The following TECTA variants were observed in gnomAD, a reference collection of about 807,000 sequenced individuals.
The protein encoded by TECTA is alpha-tectorin.
TECTA carries 128 observed loss-of-function variants against 216.8 expected under a neutral mutation model. The ratio of observed to expected loss-of-function variants is 0.59; its 90% confidence interval spans 0.51 to 0.68. TECTA has a LOEUF of 0.68. Among genes scored for constraint, TECTA ranks in the 30% least tolerant of loss-of-function variants. The pLI is 0.00. For missense variants in TECTA, 2,551 were observed against 2,786.2 expected, an observed-to-expected ratio of 0.92 and a Z score of 1.90; for synonymous variants, 1,089 against 1,117.1, an observed-to-expected ratio of 0.97 and a Z score of 0.50.
chr11:121,120,856 C>T (rs1336325874), intron 7 of TECTA, among the ~76,000 whole-genome samples: 3 of 152,178 alleles, frequency 2.0e-5, no homozygotes, highest in Non-Finnish European at 2.9e-5. Flanking sequence ...TAGCCCATGG[C>T]GATGAGCAGC....
rs565423624 is a variant in TECTA at position 121,108,337 on chromosome 11, TAC to T, written c.199-865_199-864del. On this transcript the variant is annotated intron_variant, in intron 3 of 23. Coordinates refer to ENST00000392793, the MANE Select transcript of TECTA (RefSeq NM_005422.4). ...CACACACATCACACCTCAATATACATACACACACACCACCCTCAGTACACACA... is the reference window on the plus strand; with the variant it reads ...CACACACATCACACCTCAATATACATACACACACCACCCTCAGTACACACA... 7.2e-5 allele frequency among the ~76,000 whole-genome samples: 10 copies of T among 139,198 alleles called. No homozygotes were observed. In the East Asian group the frequency reaches 1.6e-3, roughly 22 times the overall value. 91.3% of individuals were successfully genotyped at this position (139,198 alleles called of 152,430 possible).
rs748667036 is a variant in TECTA, at chr11:121,130,181, G to T, written c.2911G>T (p.Val971Leu). ...CGCCTGCAAGAATGCGGACGTGGAG[G>T]TGGGGCCCTGGCGGACCTATGACTT... is the stretch of plus-strand genomic sequence containing the variant. ...ASACKNADVEVGPWRTYDFCP... is the reference protein window; with the variant it reads ...ASACKNADVELGPWRTYDFCP... Residue 971 changes from valine (V) to leucine (L), a missense_variant, in exon 10 of 24, where the codon GTG becomes TTG. Coordinates refer to ENST00000392793, the MANE Select transcript of TECTA (RefSeq NM_005422.4). 1 of 1,602,302 alleles carries T rather than the reference G, an allele frequency of 6.2e-7. No homozygotes were observed. The highest frequency in any genetic ancestry group is 1.7e-5 in the Admixed American group (1 of 60,022).
intron 2 of TECTA, among the ~76,000 whole-genome samples, chr11:121,103,570 T>A (rs1325195420): frequency 6.6e-6 from 1 of 152,066 alleles, no homozygotes; most frequent in Non-Finnish European, 1.5e-5. Flanking sequence ...GAAAGTACAT[T>A]TTATTTGGTG....
intron 11 of TECTA, among the ~76,000 whole-genome samples, chr11:121,138,509 C>T (rs908754306): frequency 3.9e-5 from 6 of 152,248 alleles, no homozygotes; most frequent in Middle Eastern, 3.4e-3. Context: ...GGCCTCCCTC[C>T]GTCTCTCCTG....
chr11:121,118,797 C>G, intron 7 of TECTA, 79 bp downstream of exon 7: 1 of 1,549,744 alleles, frequency 6.5e-7, no homozygotes, highest in Non-Finnish European at 8.8e-7. Flanking sequence ...CCCAGATCTA[C>G]TGGTTCTGCT....
rs1946467660 is a variant in TECTA, at chr11:121,113,689, T to C, written c.761T>C (p.Ile254Thr). 6.2e-7 allele frequency: 1 copy of C among 1,613,852 alleles called. No homozygotes were observed. Among genetic ancestry groups the C allele is most frequent in the Non-Finnish European group, 8.5e-7 (1 of 1,180,008 alleles). ...GCATTTAAAGTTGATGGAAAGGAAATTGACCCAGCCAATGGCTGCACCTCA... is the reference window on the plus strand; with the variant it reads ...GCATTTAAAGTTGATGGAAAGGAAACTGACCCAGCCAATGGCTGCACCTCA... Reference protein sequence around the residue: ...RWAFKVDGKEIDPANGCTSRG... With the variant: ...RWAFKVDGKETDPANGCTSRG... Residue 254 changes from isoleucine to threonine, a missense_variant, in exon 6 of 24, where the codon ATT becomes ACT. Around this residue, in one of 3 missense-constraint regions of TECTA, gnomAD observed 2,375 missense variants for 2,563.9 expected, o/e 0.93. Transcript: ENST00000392793. The surrounding 1 kb of genome is among the most constrained non-coding windows in gnomAD (Gnocchi z 4.2).
chr11:121,159,018 G>A (rs1285414686), intron 14 of TECTA, among the ~76,000 whole-genome samples: 1 of 152,198 alleles, frequency 6.6e-6, no homozygotes, highest in African/African-American at 2.4e-5. Context: ...CCCTGGCACT[G>A]TGAGCACAGA....
chr11:121,180,382 G>T lies in TECTA; in HGVS notation c.6000-7450G>T, dbSNP rs149087429. 2.9e-3 allele frequency among the ~76,000 whole-genome samples: 440 copies of T among 152,262 alleles called. 2 individuals carry two copies. Among genetic ancestry groups the T allele is most frequent in the African/African-American group, 8.4e-3 (350 of 41,542 alleles). ...TTCTTCATTTTTGAAGGATAGCTTTGCTGGGTATAGTATTCTTGATTAGCA... is the reference window on the plus strand; with the variant it reads ...TTCTTCATTTTTGAAGGATAGCTTTTCTGGGTATAGTATTCTTGATTAGCA... On this transcript the variant is annotated intron_variant, in intron 20 of 23. Transcript: ENST00000392793.
intron 13 of TECTA, among the ~76,000 whole-genome samples, chr11:121,155,950 TGAAAA>T (rs1946936455): frequency 6.6e-6 from 1 of 152,096 alleles, no homozygotes; most frequent in Admixed American, 6.5e-5. Flanking sequence ...GGGAAAGAAA[TGAAAA>T]GAAAAGAATA....
intron 6 of TECTA, among the ~76,000 whole-genome samples, chr11:121,116,911 T>A (rs746719334): frequency 6.6e-6 from 1 of 152,184 alleles, no homozygotes; most frequent in Non-Finnish European, 1.5e-5. Flanking sequence ...CTGATGCACA[T>A]GACTTATTGG....
Position 121,125,573 on chromosome 11 carries a change from T to C in TECTA, c.1475T>C (p.Val492Ala), listed in dbSNP as rs753099302. The change falls in exon 8 of 24, where the codon GTG (valine) becomes GCG (alanine). Residue 492 changes from valine (V) to alanine (A), a missense_variant. Physicochemically the swap from Val to Ala is moderately conservative, Grantham distance 64. Around this residue, in one of 3 missense-constraint regions of TECTA, gnomAD observed 2,375 missense variants for 2,563.9 expected, o/e 0.93. Transcript: ENST00000392793. ...CTGGATCTGGGAGAGAGCTGGCGTG[T>C]GTACCACGCAGACTGGAAGTGCGAC... ...SVLDLGESWRVYHADWKCDSG... is the reference protein window; with the variant it reads ...SVLDLGESWRAYHADWKCDSG... 7 of 1,614,002 alleles carry C rather than the reference T, an allele frequency of 4.3e-6. No homozygotes were observed. The highest frequency in any genetic ancestry group is 5.9e-6 in the Non-Finnish European group (7 of 1,180,028).
At position 121,157,894 on chromosome 11, in the gene TECTA, T is replaced by A. The variant is rs745314431; in HGVS notation, c.4359T>A (p.Arg1453=). ...SDCTRRCRCF[R]RNVIQCDPRQ... ...GCACGCGGCGCTGCCGCTGTTTCCG[T>A]CGCAACGTGATTCAGTGCGACCCGC... The change falls in exon 14 of 24, where the codon CGT becomes CGA. Residue 1453 remains arginine, a synonymous_variant. Coordinates refer to ENST00000392793, the MANE Select transcript of TECTA (RefSeq NM_005422.4). 1 of 1,614,234 alleles carries A rather than the reference T, an allele frequency of 6.2e-7. No homozygotes were observed. The highest frequency in any genetic ancestry group is 2.2e-5 in the East Asian group (1 of 44,886).
intron 1 of TECTA, among the ~76,000 whole-genome samples, chr11:121,101,797 C>G (rs1356391775): frequency 1.3e-5 from 2 of 152,192 alleles, no homozygotes; most frequent in Non-Finnish European, 2.9e-5. Context: ...ATGGTCTAGC[C>G]ACACGCTTGG....
At chr11:121,162,620 C>T (rs1591461603) in intron 16 of TECTA, among the ~76,000 whole-genome samples, 1 of 152,300 alleles carries the variant, frequency 6.6e-6, no homozygotes, top group African/African-American at 2.4e-5. Flanking sequence ...AGATGGGGCT[C>T]TCTGGGTTGG....
intron 12 of TECTA, among the ~76,000 whole-genome samples, chr11:121,147,194 T>C (rs539343877): frequency 2.6e-5 from 4 of 152,332 alleles, no homozygotes; most frequent in Middle Eastern, 3.4e-3. Context: ...TTTTAGAAGG[T>C]CTGTAGCTCT....
Position 121,157,832 on chromosome 11 carries a change from C to T in TECTA, c.4306-9C>T. The stretch of plus-strand genomic sequence containing the variant: ...TCTGAATTTAATGCAAACGGCGCCT[C>T]TCTTCCAGCCCAAGCAGCTATTTTG... On this transcript the variant is annotated splice_polypyrimidine_tract_variant and intron_variant, in intron 13 of 23. Transcript: ENST00000392793. The T allele has an allele frequency of 1.9e-6, 3 of 1,613,646 alleles. No homozygotes were observed. The highest frequency in any genetic ancestry group is 2.5e-6 in the Non-Finnish European group (3 of 1,180,038).
chr11:121,152,195 G>A (rs750437934), intron 12 of TECTA, among the ~76,000 whole-genome samples: 4 of 152,220 alleles, frequency 2.6e-5, no homozygotes, highest in East Asian at 1.9e-4. Flanking sequence ...CATAATTGAC[G>A]TGAATCAGTT....
In TECTA at chr11:121,134,098, C is replaced by T. The variant is rs371712793; in HGVS notation, c.2942-3323C>T. Among the ~76,000 whole-genome samples, 7 of 152,052 alleles carry T rather than the reference C, an allele frequency of 4.6e-5. No homozygotes were observed. The East Asian group carries it at 1.4e-3, about 29-fold the overall frequency. On this transcript the variant is annotated intron_variant, in intron 10 of 23. Coordinates refer to ENST00000392793, the MANE Select transcript of TECTA (RefSeq NM_005422.4). ...CTGGCTCCTGTGTCCCTTCAGCATGCCTCTGTCATTTTTTTTGAGCACTTT... is the reference window on the plus strand; with the variant it reads ...CTGGCTCCTGTGTCCCTTCAGCATGTCTCTGTCATTTTTTTTGAGCACTTT...
At chr11:121,109,590 C>A in intron 4 of TECTA, 92 bp downstream of exon 4, 1 of 1,483,466 alleles carries the variant, frequency 6.7e-7, no homozygotes, top group Non-Finnish European at 9.3e-7. Context: ...ATTATTAGAG[C>A]TAAGGAGTGT....
Sources: gnomAD v4.1 joint callset for allele counts (sites outside exome capture counted in the v4.1 genomes callset) on GRCh38, gnomAD v4.1.1 for gene constraint, gnomAD v4.1.1 regional missense constraint, Gnocchi (gnomAD v3.1) non-coding constraint, MANE v1.5 for transcripts, NCBI Gene and HGNC (gene_info 2026-07-23, HGNC 2026-07-21) for gene names.